HLA-C: variants seen among roughly 807,000 people sequenced by gnomAD.
HLA-C encodes the protein HLA class I histocompatibility antigen, C alpha chain.
Under a neutral mutation model 36.9 loss-of-function variants are expected in HLA-C, and 15 were observed. The observed-to-expected ratio is 0.41, with a 90% CI of 0.27 to 0.63. The LOEUF (loss-of-function observed/expected upper bound fraction) is 0.63, where lower values mean the gene tolerates loss of function less well. HLA-C is among the 20% of genes least tolerant of loss of function. The pLI, the probability that HLA-C is intolerant of heterozygous loss-of-function variation, is 0.35. For synonymous variants in HLA-C, 104 were observed against 174.3 expected, an observed-to-expected ratio of 0.60 and a Z score of 3.18; for missense variants, 272 against 400.4, an observed-to-expected ratio of 0.68 and a Z score of 2.74.
rs370651735 is a variant in HLA-C at position 31,272,030 on chromosome 6, C to T, written c.42G>A (p.Ser14=). Reference sequence around the variant, plus strand: ...AGGTCTCGGTCAGGGCCAGGCCTCCCGAGAGCAGCAGGAGGAGGGCTCGGG... The same window carrying T: ...AGGTCTCGGTCAGGGCCAGGCCTCCTGAGAGCAGCAGGAGGAGGGCTCGGG... The change falls in exon 1 of 8, where the codon TCG becomes TCA. Residue 14 remains serine, a synonymous_variant. Coordinates refer to ENST00000376228, the Ensembl canonical transcript of HLA-C. 378 of 1,039,840 alleles carry T rather than the reference C, an allele frequency of 3.6e-4. 123 individuals are homozygous for T. Among genetic ancestry groups the T allele is most frequent in the Non-Finnish European group, 4.7e-4 (368 of 775,388 alleles). 64.4% of individuals were successfully genotyped at this position (1,039,840 alleles called of 1,614,324 possible).
At chr6:31,270,982 C>T (rs17884428) in intron 3 of HLA-C, 91 bp downstream of exon 3, 26,566 of 620,382 alleles carry the variant, frequency 0.043, 10,763 homozygotes, top group South Asian at 0.18. Context: ...GGCGATATTC[C>T]AGTGCTGATC....
Position 31,269,116 on chromosome 6 carries a change from C to T in HLA-C, c.*53G>A. The stretch of plus-strand genomic sequence containing the variant: ...GAGATGCCAGAGGCTCTTGAAGTCA[C>T]AAAGGAGAGGTGTGAAGAAATCCTG... On this transcript the variant is annotated 3_prime_UTR_variant, in exon 8 of 8. Transcript: ENST00000376228. The T allele has an allele frequency of 2.2e-6, 3 of 1,375,950 alleles. 1 individual carries two copies. Among genetic ancestry groups the T allele is most frequent in the Non-Finnish European group, 3.0e-6 (3 of 984,192 alleles). The allele number at this position is 1,375,950 out of a possible 1,614,324, so 85.2% of individuals were successfully genotyped here.
rs11547346 is a variant in HLA-C, at chr6:31,271,569, T to G, written c.343+30A>C. The G allele has an allele frequency of 1.1e-3, 1,280 of 1,186,420 alleles. 40 individuals are homozygous for G. The East Asian group carries it at 0.017, about 16-fold the overall frequency. 73.5% of individuals were successfully genotyped at this position (1,186,420 alleles called of 1,614,324 possible). ...GTCCGTGGGGGATGGGGAGGGGTCGTGACCTGCGCCCCGGGCCGGGGTCAC... is the reference window on the plus strand; with the variant it reads ...GTCCGTGGGGGATGGGGAGGGGTCGGGACCTGCGCCCCGGGCCGGGGTCAC... On this transcript the variant is annotated intron_variant, in intron 2 of 7. Transcript: ENST00000376228.
Position 31,270,430 on chromosome 6 carries a change from C to T in HLA-C, c.675G>A (p.Leu225=). 3.2e-6 allele frequency: 3 copies of T among 926,494 alleles called. 1 individual carries two copies. The highest frequency in any genetic ancestry group is 6.4e-5 in the African/African-American group (2 of 31,248). 57.4% of individuals were successfully genotyped at this position (926,494 alleles called of 1,614,324 possible). The change falls in exon 4 of 8, where the codon CTG becomes CTA. Residue 225 remains leucine (L), a synonymous_variant. Transcript: ENST00000376228. Reference sequence around the variant, plus strand: ...GGTAGAAGCCCAGGGCCCAGCACCTCAGGGTGGCCTCATGGTCAGAGAGGG... The same window carrying T: ...GGTAGAAGCCCAGGGCCCAGCACCTTAGGGTGGCCTCATGGTCAGAGAGGG...
At chr6:31,270,686 A>G in intron 3 of HLA-C, 2 of 441,114 alleles carry the variant, frequency 4.5e-6, no homozygotes, top group South Asian at 2.3e-5. Flanking sequence ...AGGAACAGCG[A>G]CTTCTGGTCC....
At chr6:31,270,483 G>A (rs776358281) in exon 4 of HLA-C, 4 of 859,396 alleles carry the variant, frequency 4.7e-6, no homozygotes, top group Admixed American at 7.2e-5. Context: ...GTCTTTGGGG[G>A]TTCTGACGGG....
exon 8 of HLA-C, chr6:31,268,979 C>T (rs2113900546): frequency 1.6e-6 from 1 of 631,584 alleles, no homozygotes; most frequent in African/African-American, 1.8e-5. Context: ...GGGGAGGGAA[C>T]ACAGGTCAGT....
In HLA-C at chr6:31,270,103, G is replaced by T; in HGVS notation, c.896-18C>A. On this transcript the variant is annotated intron_variant, in intron 4 of 7. Transcript: ENST00000376228. ...AGATGGCTCTGGGAAAGGAGGAGAA[G>T]GTGAGGGGCCCTGACCCCCAAGCCT... 1 of 834,568 alleles carries T rather than the reference G, an allele frequency of 1.2e-6. No homozygotes were observed. Among genetic ancestry groups the T allele is most frequent in the Non-Finnish European group, 1.5e-6 (1 of 662,064 alleles). The allele number at this position is 834,568 out of a possible 1,614,324, so 51.7% of individuals were successfully genotyped here. A position where few individuals can be genotyped will look rare whatever the true frequency, so the allele number is the denominator to read the frequency against.
intron 1 of HLA-C, 32 bp downstream of exon 1, chr6:31,271,967 A>G: frequency 9.2e-7 from 1 of 1,090,968 alleles, no homozygotes; most frequent in Admixed American, 2.9e-5. Flanking sequence ...TCCTCTCCGC[A>G]GAGGCCGCTT....
In HLA-C at chr6:31,271,557, G is replaced by A. The variant is rs765280939; in HGVS notation, c.343+42C>T. The stretch of plus-strand genomic sequence containing the variant: ...GCGACCCGGGCCGTCCGTGGGGGAT[G>A]GGGAGGGGTCGTGACCTGCGCCCCG... On this transcript the variant is annotated intron_variant, in intron 2 of 7. Coordinates refer to ENST00000376228, the Ensembl canonical transcript of HLA-C. The A allele has an allele frequency of 4.5e-6, 5 of 1,100,628 alleles. 1 individual carries two copies. Among genetic ancestry groups the A allele is most frequent in the Non-Finnish European group, 3.6e-6 (3 of 827,976 alleles). The allele number at this position is 1,100,628 out of a possible 1,614,324, so 68.2% of individuals were successfully genotyped here.
chr6:31,269,031 C>G (rs1049650), exon 8 of HLA-C: 55,436 of 712,724 alleles, frequency 0.078, 3,105 homozygotes, highest in East Asian at 0.25. Flanking sequence ...TGGGCTGTCT[C>G]TCCACCTCCT....
At chr6:31,272,028 C>A in exon 1 of HLA-C, 1 of 1,039,460 alleles carries the variant, frequency 9.6e-7, no homozygotes, top group South Asian at 1.6e-5. Context: ...GGCCAGGCCT[C>A]CCGAGAGCAG....
In HLA-C at chr6:31,271,052, G is replaced by C; in HGVS notation, c.619+21C>G. Reference sequence around the variant, plus strand: ...GGGAGATCTATAGGAGATGGGGAAGGCTCCCCACTGCCCCTGGTACCTGCG... The same window carrying C: ...GGGAGATCTATAGGAGATGGGGAAGCCTCCCCACTGCCCCTGGTACCTGCG... On this transcript the variant is annotated intron_variant, in intron 3 of 7. Transcript: ENST00000376228. 1.9e-5 allele frequency: 17 copies of C among 883,334 alleles called. 6 individuals carry two copies. Among genetic ancestry groups the C allele is most frequent in the Non-Finnish European group, 2.5e-5 (17 of 684,158 alleles). 54.7% of individuals were successfully genotyped at this position (883,334 alleles called of 1,614,324 possible). A position where few individuals can be genotyped will look rare whatever the true frequency, so the allele number is the denominator to read the frequency against.
rs1130559 is a variant in HLA-C, at chr6:31,268,875, T to G, written c.*294A>C. The G allele has an allele frequency of 8.8e-3, 1,773 of 202,306 alleles. 43 individuals carry two copies. Among genetic ancestry groups the G allele is most frequent in the Middle Eastern group, 0.018 (11 of 600 alleles). The allele number at this position is 202,306 out of a possible 1,614,324, so 12.5% of individuals were successfully genotyped here. ...ATTTATATTCAGGTTCTTAACTTCA[T>G]TAGGGAAGTAAGAAGTTGCAGCTCA... is the stretch of plus-strand genomic sequence containing the variant. On this transcript the variant is annotated 3_prime_UTR_variant, in exon 8 of 8. Transcript: ENST00000376228.
exon 8 of HLA-C, chr6:31,269,076 G>A (rs1065711): frequency 0.78 from 526,208 of 678,666 alleles, 221,393 homozygotes; most frequent in African/African-American, 0.92. Context: ...ACACATTCAG[G>A]TGCCTTTGCA....
rs192019825 is a variant in HLA-C, at chr6:31,269,182, C to T, written c.1097-9G>A. ...CAGGCAGCTGTCTCAGGCTACAGAA[C>T]ACAATAGTCATGAACAAATTCAGGT... On this transcript the variant is annotated splice_polypyrimidine_tract_variant and intron_variant, in intron 7 of 7. Coordinates refer to ENST00000376228, the Ensembl canonical transcript of HLA-C. The T allele has an allele frequency of 6.8e-7, 1 of 1,467,202 alleles. No homozygotes were observed. Among genetic ancestry groups the T allele is most frequent in the Non-Finnish European group, 9.1e-7 (1 of 1,101,182 alleles). 90.9% of individuals were successfully genotyped at this position (1,467,202 alleles called of 1,614,324 possible).
At chr6:31,271,556 TGGGGAG>T in intron 2 of HLA-C, 37 bp downstream of exon 2, 1 of 1,104,726 alleles carries the variant, frequency 9.1e-7, no homozygotes, top group Non-Finnish European at 1.2e-6. Flanking sequence ...CCGTGGGGGA[TGGGGAG>T]GGGTCGTGAC....
Position 31,271,678 on chromosome 6 carries a change from T to C in HLA-C, c.264A>G (p.Thr88=), listed in dbSNP as rs41555917. 67 of 1,484,508 alleles carry C rather than the reference T, an allele frequency of 4.5e-5. No individual in the cohort carries two copies. In the East Asian group the frequency reaches 1.6e-3, roughly 36 times the overall value. 92.0% of individuals were successfully genotyped at this position (1,484,508 alleles called of 1,614,324 possible). The change falls in exon 2 of 8, where the codon ACA becomes ACG. Residue 88 remains threonine, a synonymous_variant. Transcript: ENST00000376228. ...CCTGTGCCTGGCGCTTGTACTTCTGTGTCTCCCGGTCCCAATACTCCGGCC... is the reference window on the plus strand; with the variant it reads ...CCTGTGCCTGGCGCTTGTACTTCTGCGTCTCCCGGTCCCAATACTCCGGCC...
chr6:31,272,075 G>T, exon 1 of HLA-C: 2 of 1,008,258 alleles, frequency 2.0e-6, no homozygotes, highest in South Asian at 1.6e-5. Flanking sequence ...CCCGCATCTC[G>T]GCCTCTGGGG....
Sources: allele counts gnomAD v4.1 joint callset, GRCh38; gene constraint gnomAD v4.1.1; transcripts MANE v1.5; gene names NCBI Gene and HGNC (gene_info 2026-07-23, HGNC 2026-07-21).